The following EPS8L3 variants were observed in gnomAD, a reference collection of about 807,000 sequenced individuals.
EPS8L3 encodes epidermal growth factor receptor kinase substrate 8-like protein 3.
A neutral mutation model predicts 88.5 loss-of-function variants in EPS8L3; 80 were observed. That is an observed-to-expected ratio of 0.90 (90% confidence interval 0.75 to 1.09). The LOEUF is 1.09. Ranked by LOEUF, EPS8L3 falls within the 50% of genes least tolerant of loss-of-function variation. The pLI, the probability that EPS8L3 is intolerant of heterozygous loss-of-function variation, is 0.00. For missense variants in EPS8L3, 721 were observed against 735.2 expected (o/e 0.98, Z 0.22); for synonymous variants, 286 against 291.0 (o/e 0.98, Z 0.18).
In EPS8L3 at chr1:109,761,577, A is replaced by G. The variant is rs2101536816; in HGVS notation, c.32-18T>C. ...CCGGTGCACTACAAGGGCACAGAGC[A>G]AGGGGCGGGAGGTGGGCAGAAGAAC... On this transcript the variant is annotated intron_variant, in intron 2 of 18. Coordinates refer to ENST00000361965, the MANE Select transcript of EPS8L3 (RefSeq NM_133181.4). 1 of 1,613,438 alleles carries G rather than the reference A, an allele frequency of 6.2e-7. No individual in the cohort carries two copies. The highest frequency in any genetic ancestry group is 8.5e-7 in the Non-Finnish European group (1 of 1,179,604).
In EPS8L3 at chr1:109,759,173, G is replaced by A; in HGVS notation, c.406-56C>T. ...TGTGTGTGTGTGTGTGTGTGTGTGT[G>A]TGTGTGTGTGGTGGGGTGATGGTCG... On this transcript the variant is annotated intron_variant, in intron 5 of 18. Coordinates refer to ENST00000361965, the MANE Select transcript of EPS8L3 (RefSeq NM_133181.4). The surrounding 1 kb of genome is among the most constrained non-coding windows in gnomAD (Gnocchi z 4.2). The A allele has an allele frequency of 6.2e-7, 1 of 1,600,908 alleles. No homozygotes were observed. Among genetic ancestry groups the A allele is most frequent in the Admixed American group, 1.7e-5 (1 of 59,912 alleles).
chr1:109,757,098 G>C lies in EPS8L3; in HGVS notation c.1037C>G (p.Ala346Gly). Residue 346 changes from alanine to glycine, a missense_variant, in exon 12 of 19, where the codon GCT (alanine) becomes GGT (glycine). Coordinates refer to ENST00000361965, the MANE Select transcript of EPS8L3 (RefSeq NM_133181.4). The part of the protein sequence containing the change: ...QVISPLLTPK[A>G]INLLQSCLSP... ...TAGACAGGACTGTAGCAGGTTGATA[G>C]CTTTAGGGGTGAGGAGGGGTGAGAT... The C allele has an allele frequency of 6.2e-7, 1 of 1,614,180 alleles. No homozygotes were observed. The highest frequency in any genetic ancestry group is 8.5e-7 in the Non-Finnish European group (1 of 1,180,008).
chr1:109,751,051 G>A (rs548246661), intron 17 of EPS8L3, among the ~76,000 whole-genome samples: 1 of 152,294 alleles, frequency 6.6e-6, no homozygotes, highest in South Asian at 2.1e-4. Flanking sequence ...GGTTCTTCCC[G>A]AGTCCACTCC....
intron 12 of EPS8L3, among the ~76,000 whole-genome samples, chr1:109,754,060 C>T (rs1434806556): frequency 2.6e-5 from 4 of 152,198 alleles, no homozygotes; most frequent in Non-Finnish European, 5.9e-5. Context: ...TCTCAATTTT[C>T]TTAATTGTTT....
At chr1:109,761,171 CAG>C (rs1057438734) in intron 3 of EPS8L3, 6 of 280,010 alleles carry the variant, frequency 2.1e-5, no homozygotes, top group Admixed American at 1.3e-4. Context: ...GGTTGGGAGA[CAG>C]GGGAGGGTAG....
intron 1 of EPS8L3, among the ~76,000 whole-genome samples, chr1:109,762,641 C>T (rs114047998): frequency 1.3e-5 from 2 of 152,180 alleles, no homozygotes; most frequent in Non-Finnish European, 2.9e-5. Flanking sequence ...CTTGGCGCCA[C>T]GTGCCTAGCA....
chr1:109,759,990 G>A lies in EPS8L3; in HGVS notation c.97-154C>T, dbSNP rs958238758. 5.1e-5 allele frequency: 37 copies of A among 730,716 alleles called. No individual in the cohort carries two copies. The highest frequency in any genetic ancestry group is 1.3e-5 in the Non-Finnish European group (6 of 455,210). The allele number at this position is 730,716 out of a possible 1,614,324, so 45.3% of individuals were successfully genotyped here. A position where few individuals can be genotyped will look rare whatever the true frequency, so the allele number is the denominator to read the frequency against. On this transcript the variant is annotated intron_variant, in intron 3 of 18. Coordinates refer to ENST00000361965, the MANE Select transcript of EPS8L3 (RefSeq NM_133181.4). This position sits in a 1 kb window ranked among gnomAD's most constrained non-coding sequence, Gnocchi z 4.2. ...GCTTCAGATAAAGCAACTTTCCAGG[G>A]CCAATGTGAGGGACGGTGTCGAAGC...
chr1:109,758,130 G>A (rs1273000980), intron 8 of EPS8L3, 72 bp from the exon 9 acceptor site: 23 of 1,328,154 alleles, frequency 1.7e-5, no homozygotes, highest in African/African-American at 7.3e-5. Context: ...ACTGCCCCCC[G>A]CACCCCTCCC....
chr1:109,759,226 C>T lies in EPS8L3; in HGVS notation c.405+12G>A. On this transcript the variant is annotated intron_variant, in intron 5 of 18. Coordinates refer to ENST00000361965, the MANE Select transcript of EPS8L3 (RefSeq NM_133181.4). This position sits in a 1 kb window ranked among gnomAD's most constrained non-coding sequence, Gnocchi z 4.2. ...GAACCCCACCCCTGACCAATCACCC[C>T]CGACCACTCACCCCCACTTCCTGGC... 2 of 1,613,354 alleles carry T rather than the reference C, an allele frequency of 1.2e-6. No individual in the cohort carries two copies. The highest frequency in any genetic ancestry group is 1.7e-6 in the Non-Finnish European group (2 of 1,179,708).
At position 109,759,419 on chromosome 1, in the gene EPS8L3, C is replaced by T. The variant is rs748044261; in HGVS notation, c.256-32G>A. 1 of 1,608,126 alleles carries T rather than the reference C, an allele frequency of 6.2e-7. No homozygotes were observed. The highest frequency in any genetic ancestry group is 8.5e-7 in the Non-Finnish European group (1 of 1,176,942). Reference sequence around the variant, plus strand: ...CAGGTGGAGAGGTCAACTGTGAGGCCACCAGAGCTAGGTGTGGCTTCTGGG... The same window carrying T: ...CAGGTGGAGAGGTCAACTGTGAGGCTACCAGAGCTAGGTGTGGCTTCTGGG... On this transcript the variant is annotated intron_variant, in intron 4 of 18. Coordinates refer to ENST00000361965, the MANE Select transcript of EPS8L3 (RefSeq NM_133181.4). The surrounding 1 kb of genome is among the most constrained non-coding windows in gnomAD (Gnocchi z 4.2).
rs1649814172 is a variant in EPS8L3, at chr1:109,751,753, C to T, written c.1464G>A (p.Leu488=). 2 of 1,613,782 alleles carry T rather than the reference C, an allele frequency of 1.2e-6. No homozygotes were observed. Among genetic ancestry groups the T allele is most frequent in the African/African-American group, 1.3e-5 (1 of 75,008 alleles). Residue 488 remains leucine (L), a synonymous_variant, in exon 16 of 19, where the codon CTG becomes CTA. Coordinates refer to ENST00000361965, the MANE Select transcript of EPS8L3 (RefSeq NM_133181.4). ...CGCTCCGTCCCGCCTCATTCTTCAC[C>T]AGCCACCACCGCTTGCTGTGGTCCA... is the stretch of plus-strand genomic sequence containing the variant. ...EVLDHSKRWW[L]VKNEAGRSGY...
Position 109,758,555 on chromosome 1 carries a change from T to C in EPS8L3, c.570A>G (p.Pro190=). The C allele has an allele frequency of 3.7e-6, 6 of 1,612,532 alleles. No individual in the cohort carries two copies. Among genetic ancestry groups the C allele is most frequent in the Non-Finnish European group, 5.1e-6 (6 of 1,179,120 alleles). ...CTAGGGTCCTCTGGTGGGGCTGTTC[T>C]GGAGGGATCCCCGGCTCCAGATAGC... The part of the protein sequence containing the change: ...QARYLEPGIP[P]EQPHQRTLEH... Residue 190 remains proline (P), a synonymous_variant, in exon 7 of 19, where the codon CCA becomes CCG. Coordinates refer to ENST00000361965, the MANE Select transcript of EPS8L3 (RefSeq NM_133181.4).
At position 109,761,721 on chromosome 1, in the gene EPS8L3, T is replaced by TA; in HGVS notation, c.28dup (p.Tyr10LeufsTer74). 1 of 1,613,722 alleles carries TA rather than the reference T, an allele frequency of 6.2e-7. No individual in the cohort carries two copies. On this transcript the variant is annotated frameshift_variant, in exon 2 of 19. Transcript: ENST00000361965. LOFTEE classifies it high-confidence loss of function. ...AGAGGGGCCTGCCAGGAGCTTACAG[T>TA]AAATGGCTCTGCTGCTGGGCCTTGA...
At chr1:109,754,722 C>T (rs60343551) in intron 12 of EPS8L3, among the ~76,000 whole-genome samples, 7,608 of 152,188 alleles carry the variant, frequency 0.05, 615 homozygotes, top group African/African-American at 0.17. Flanking sequence ...AATGAAAGAA[C>T]TTGAGGCCCT....
rs199612397 is a variant in EPS8L3 at position 109,751,623 on chromosome 1, A to G, written c.1563+31T>C. The G allele has an allele frequency of 1.1e-4, 176 of 1,613,536 alleles. No homozygotes were observed. The East Asian group carries it at 3.7e-3, about 34-fold the overall frequency. On this transcript the variant is annotated intron_variant, in intron 16 of 18. Coordinates refer to ENST00000361965, the MANE Select transcript of EPS8L3 (RefSeq NM_133181.4). ...CACCCCGACCTCCAACTCAAGACTT[A>G]GGGCTCTGGATAGTCCAGGCTGGGT...
Position 109,750,251 on chromosome 1 carries a change from T to G in EPS8L3, c.*140A>C. The G allele has an allele frequency of 5.9e-6, 6 of 1,019,632 alleles. No homozygotes were observed. The highest frequency in any genetic ancestry group is 2.6e-5 in the East Asian group (1 of 38,578). The allele number at this position is 1,019,632 out of a possible 1,614,324, so 63.2% of individuals were successfully genotyped here. A position where few individuals can be genotyped will look rare whatever the true frequency, so the allele number is the denominator to read the frequency against. On this transcript the variant is annotated 3_prime_UTR_variant, in exon 19 of 19. Coordinates refer to ENST00000361965, the MANE Select transcript of EPS8L3 (RefSeq NM_133181.4). ...TTGCTTCAGCCTCTGGGCCTGTCCATTGTTTTTGCTGTGTGAGCTGGGGTG... is the reference window on the plus strand; with the variant it reads ...TTGCTTCAGCCTCTGGGCCTGTCCAGTGTTTTTGCTGTGTGAGCTGGGGTG...
intron 17 of EPS8L3, among the ~76,000 whole-genome samples, 196 bp downstream of exon 17, chr1:109,751,082 C>T (rs1317075724): frequency 2.6e-5 from 4 of 152,200 alleles, no homozygotes; most frequent in Non-Finnish European, 4.4e-5. Context: ...GCTGCCTTTG[C>T]CACAGCAGAG....
rs761386703 is a variant in EPS8L3, at chr1:109,753,154, A to G, written c.1163T>C (p.Phe388Ser). 1 of 1,613,184 alleles carries G rather than the reference A, an allele frequency of 6.2e-7. No homozygotes were observed. The highest frequency in any genetic ancestry group is 1.3e-5 in the African/African-American group (1 of 74,842). The change falls in exon 13 of 19, where the codon TTC (phenylalanine) becomes TCC (serine). Residue 388 changes from phenylalanine (F) to serine (S), a missense_variant. Coordinates refer to ENST00000361965, the MANE Select transcript of EPS8L3 (RefSeq NM_133181.4). ...CTCTGGAAGTTGCCAGTCATCTGAG[A>G]ATGTGGGTTGGTAGGGCAGGGGCTC... The part of the protein sequence containing the change: ...GDEPLPYQPT[F>S]SDDWQLPEPS...
intron 1 of EPS8L3, among the ~76,000 whole-genome samples, chr1:109,762,611 C>G (rs1206504204): frequency 6.8e-6 from 1 of 146,084 alleles, no homozygotes; most frequent in Non-Finnish European, 1.6e-5. Flanking sequence ...TTTCTCCTCA[C>G]TGCCGTCCAC....
Sources: allele counts gnomAD v4.1 joint callset (sites outside exome capture counted in the v4.1 genomes callset), GRCh38; gene constraint gnomAD v4.1.1; non-coding constraint Gnocchi (gnomAD v3.1); transcripts MANE v1.5; gene names NCBI Gene and HGNC (gene_info 2026-07-23, HGNC 2026-07-21).